The following KDM4C variants were observed in gnomAD, a reference collection of about 807,000 sequenced individuals.
The protein encoded by KDM4C is lysine demethylase 4C.
KDM4C carries 81 observed loss-of-function variants against 129.3 expected under a neutral mutation model. That is an observed-to-expected ratio of 0.63 (90% CI 0.52 to 0.75). KDM4C has a LOEUF of 0.75. Ranked by LOEUF, KDM4C falls within the 30% of genes least tolerant of loss-of-function variation. The pLI, the probability that KDM4C is intolerant of heterozygous loss-of-function variation, is 0.00. For missense variants in KDM4C, 1,457 were observed against 1,304.0 expected, an observed-to-expected ratio of 1.12 and a Z score of -1.81; for synonymous variants, 573 against 456.1, an observed-to-expected ratio of 1.26 and a Z score of -3.26.
rs1270067322 is a variant in KDM4C, at chr9:7,175,395, T to C, written c.*666T>C. ...TTTGGCTCTTGAGAAAGAATTCTTA[T>C]GAATTGTTATGCGAATTTTATATAT... On this transcript the variant is annotated 3_prime_UTR_variant, in exon 22 of 22. Transcript: ENST00000381309. 1 of 152,650 alleles carries C rather than the reference T, an allele frequency of 6.6e-6. No homozygotes were observed. The highest frequency in any genetic ancestry group is 1.5e-5 in the Non-Finnish European group (1 of 68,046). The allele number at this position is 152,650 out of a possible 1,614,324, so 9.5% of individuals were successfully genotyped here.
intron 8 of KDM4C, among the ~76,000 whole-genome samples, chr9:6,939,980 T>G (rs10975918): frequency 2.4e-5 from 2 of 82,740 alleles, no homozygotes; most frequent in Non-Finnish European, 5.3e-5. Flanking sequence ...CTACCTACCT[T>G]CCTTCCTTCC....
At position 7,159,177 on chromosome 9, in the gene KDM4C, T is replaced by A. The variant is rs192626164; in HGVS notation, c.2782-6061T>A. On this transcript the variant is annotated intron_variant, in intron 19 of 21. Transcript: ENST00000381309. ...AATCCCTGCTTTTTTTGCTTTCCAT[T>A]TGCTTGGTAGATCTTCCTCCATTCC... Among the ~76,000 whole-genome samples the A allele has an allele frequency of 6.6e-5, 10 of 152,330 alleles. No homozygotes were observed. The East Asian group carries it at 1.9e-3, about 29-fold the overall frequency.
chr9:6,844,653 G>A (rs1564144248), intron 4 of KDM4C, among the ~76,000 whole-genome samples: 1 of 152,184 alleles, frequency 6.6e-6, no homozygotes, highest in Non-Finnish European at 1.5e-5. Flanking sequence ...GAGTTAAAGA[G>A]GACAAAGTTT....
chr9:6,935,783 T>C (rs1824670151), intron 8 of KDM4C, among the ~76,000 whole-genome samples: 1 of 152,210 alleles, frequency 6.6e-6, no homozygotes, highest in African/African-American at 2.4e-5. Context: ...TAGTTTGTGT[T>C]ATGTGTTGTT....
intron 8 of KDM4C, among the ~76,000 whole-genome samples, chr9:6,917,506 C>T (rs1820537972): frequency 1.3e-5 from 2 of 152,196 alleles, no homozygotes; most frequent in Admixed American, 1.3e-4. Flanking sequence ...GCAAAAATCC[C>T]CATCTTGTTC....
At chr9:6,951,206 T>A (rs1828082936) in intron 8 of KDM4C, among the ~76,000 whole-genome samples, 1 of 152,098 alleles carries the variant, frequency 6.6e-6, no homozygotes, top group Non-Finnish European at 1.5e-5. Flanking sequence ...TCTTAGCTAT[T>A]TGAAATTATA....
chr9:6,750,050 G>A (rs1311818904), intron 1 of KDM4C, among the ~76,000 whole-genome samples: 2 of 151,126 alleles, frequency 1.3e-5, no homozygotes, highest in African/African-American at 4.9e-5. Flanking sequence ...TACTTGCTGT[G>A]GTGTAGGCCA....
At chr9:7,135,681 T>C (rs28681195) in intron 19 of KDM4C, among the ~76,000 whole-genome samples, 2,165 of 152,270 alleles carry the variant, frequency 0.014, 46 homozygotes, top group African/African-American at 0.05. Context: ...GTGACATGGA[T>C]GTTCTGGAGG....
rs116685406 is a variant in KDM4C at position 6,922,559 on chromosome 9, C to T, written c.921+29327C>T. 5.8e-3 allele frequency among the ~76,000 whole-genome samples: 882 copies of T among 152,280 alleles called. 9 individuals are homozygous for T. The highest frequency in any genetic ancestry group is 0.019 in the African/African-American group (805 of 41,556). ...TCCAGAAGTTTGAGATCAGTCTGGG[C>T]AACACAGGGAGAGCCCATCTCTACC... is the stretch of plus-strand genomic sequence containing the variant. On this transcript the variant is annotated intron_variant, in intron 8 of 21. Coordinates refer to ENST00000381309, the MANE Select transcript of KDM4C (RefSeq NM_015061.6).
intron 15 of KDM4C, among the ~76,000 whole-genome samples, chr9:7,041,939 T>C (rs1235119155): frequency 6.6e-6 from 1 of 152,052 alleles, no homozygotes; most frequent in African/African-American, 2.4e-5. Context: ...TTTTCTTTTC[T>C]CTCCACTTCT....
At chr9:6,752,460 G>T (rs1818106190) in intron 1 of KDM4C, among the ~76,000 whole-genome samples, 1 of 143,526 alleles carries the variant, frequency 7.0e-6, no homozygotes, top group Non-Finnish European at 1.5e-5. Context: ...GCCCAAGCTG[G>T]AATGCAATGG....
At chr9:6,938,320 G>T (rs1825195128) in intron 8 of KDM4C, among the ~76,000 whole-genome samples, 1 of 152,110 alleles carries the variant, frequency 6.6e-6, no homozygotes, top group African/African-American at 2.4e-5. Context: ...CCCATTTCCA[G>T]GGGATGGCTC....
intron 8 of KDM4C, among the ~76,000 whole-genome samples, chr9:6,923,849 A>G (rs1019373151): frequency 7.9e-5 from 12 of 152,214 alleles, no homozygotes; most frequent in African/African-American, 2.7e-4. Context: ...AAGGGGGACC[A>G]CTGTGTCTTC....
At chr9:7,114,176 C>T (rs779702984) in intron 18 of KDM4C, among the ~76,000 whole-genome samples, 1 of 151,966 alleles carries the variant, frequency 6.6e-6, no homozygotes, top group Admixed American at 6.6e-5. Flanking sequence ...GGGAGAGATC[C>T]TTTAGGCCTG....
chr9:6,917,098 G>A (rs1019257382), intron 8 of KDM4C, among the ~76,000 whole-genome samples: 1 of 152,176 alleles, frequency 6.6e-6, no homozygotes, highest in African/African-American at 2.4e-5. Context: ...TTCATTGGCA[G>A]GAGTGAATTG....
intron 2 of KDM4C, among the ~76,000 whole-genome samples, chr9:6,795,702 C>T (rs956823924): frequency 1.3e-5 from 2 of 150,980 alleles, no homozygotes; most frequent in East Asian, 3.9e-4. Context: ...GACAGTGTCT[C>T]ATTTTGTCAC....
intron 4 of KDM4C, 36 bp downstream of exon 4, chr9:6,814,781 A>ATTGGATGC (rs1434451561): frequency 4.6e-6 from 6 of 1,310,852 alleles, no homozygotes; most frequent in Non-Finnish European, 6.5e-6. Flanking sequence ...TGTAAAGATC[A>ATTGGATGC]TTGGATGTGA....
chr9:6,814,613 G>A lies in KDM4C; in HGVS notation c.321-18G>A. 1 of 1,468,068 alleles carries A rather than the reference G, an allele frequency of 6.8e-7. No homozygotes were observed. The highest frequency in any genetic ancestry group is 9.4e-7 in the Non-Finnish European group (1 of 1,065,430). 90.9% of individuals were successfully genotyped at this position (1,468,068 alleles called of 1,614,324 possible). A position where few individuals can be genotyped will look rare whatever the true frequency, so the allele number is the denominator to read the frequency against. On this transcript the variant is annotated intron_variant, in intron 3 of 21. Coordinates refer to ENST00000381309, the MANE Select transcript of KDM4C (RefSeq NM_015061.6). ...CTGACTTACTGGTTTGTACATTTTT[G>A]TCATCTACCTTTTACAGATATTGTA...
intron 18 of KDM4C, among the ~76,000 whole-genome samples, chr9:7,112,154 G>A (rs1379569810): frequency 3.9e-5 from 6 of 152,126 alleles, no homozygotes; most frequent in Non-Finnish European, 7.4e-5. Flanking sequence ...TAAAAAGAAA[G>A]AAGAGTTTCT....
Sources: gnomAD v4.1 joint callset for allele counts (sites outside exome capture counted in the v4.1 genomes callset) on GRCh38, gnomAD v4.1.1 for gene constraint, MANE v1.5 for transcripts, NCBI Gene and HGNC (gene_info 2026-07-23, HGNC 2026-07-21) for gene names.